The following NHS variants were observed in gnomAD, a reference collection of about 807,000 sequenced individuals.
NHS encodes the protein actin remodeling regulator NHS.
NHS carries 5 observed loss-of-function variants against 72.5 expected under a neutral mutation model. That is an observed-to-expected ratio of 0.07 (90% CI 0.04 to 0.14). The LOEUF is 0.14. Among genes scored for constraint, NHS ranks in the 10% least tolerant of loss-of-function variants. The probability of loss-of-function intolerance (pLI) is 1.00; values close to 1 mark genes in which losing one functional copy is unlikely to be tolerated. For missense variants in NHS, 1,072 were observed against 1,355.7 expected (o/e 0.79, Z 3.29); for synonymous variants, 464 against 547.7 (o/e 0.85, Z 2.13).
At chrX:17,458,317 C>T (rs1479126691) in intron 1 of NHS, among the ~76,000 whole-genome samples, 1 of 111,132 alleles carries the variant, frequency 9.0e-6, no homozygotes, top group Non-Finnish European at 1.9e-5. Context: ...AGCCTCCGCC[C>T]CCTGGGGTTC....
At chrX:17,412,390 TTC>T (rs2064564337) in intron 1 of NHS, among the ~76,000 whole-genome samples, 1 of 108,920 alleles carries the variant, frequency 9.2e-6, no homozygotes, top group Non-Finnish European at 1.9e-5. Flanking sequence ...AACCCAGGAG[TTC>T]AAGACCAGCC....
Position 17,687,681 on chromosome X carries a change from G to C in NHS, c.566-61G>C, listed in dbSNP as rs763102874. 424 of 1,179,911 alleles carry C rather than the reference G, an allele frequency of 3.6e-4. 2 individuals are homozygous for C. In the Middle Eastern group the frequency reaches 3.7e-3, roughly 10 times the overall value. ...ACTCCTGTCCTCTTCCCCACCCCAG[G>C]GTTGGCCAAAAGCACAACTTAAAGC... On this transcript the variant is annotated intron_variant, in intron 1 of 8. Coordinates refer to ENST00000676302, the MANE Select transcript of NHS (RefSeq NM_001291867.2).
intron 1 of NHS, among the ~76,000 whole-genome samples, chrX:17,673,576 G>C (rs753715100): frequency 1.3e-4 from 15 of 111,268 alleles, no homozygotes; most frequent in Non-Finnish European, 2.5e-4. Context: ...TAGCTATATT[G>C]AGGGCCTAAC....
intron 1 of NHS, among the ~76,000 whole-genome samples, chrX:17,510,948 C>T (rs998948269): frequency 2.7e-5 from 3 of 112,206 alleles, no homozygotes; most frequent in Non-Finnish European, 5.6e-5. Flanking sequence ...GGAATTGAGG[C>T]TGATGCACAA....
chrX:17,689,615 A>G (rs754730924), intron 2 of NHS, among the ~76,000 whole-genome samples: 35 of 111,971 alleles, frequency 3.1e-4, no homozygotes, highest in Middle Eastern at 4.6e-3. Flanking sequence ...GGCAAGGATG[A>G]TATCTTATTA....
rs144409283 is a variant in NHS, at chrX:17,388,782, T to C, written c.565+12460T>C. Among the ~76,000 whole-genome samples, 545 of 109,916 alleles carry C rather than the reference T, an allele frequency of 5.0e-3. 1 individual carries two copies. The highest frequency in any genetic ancestry group is 8.1e-3 in the Non-Finnish European group (430 of 52,767). On this transcript the variant is annotated intron_variant, in intron 1 of 8. Transcript: ENST00000676302. Reference sequence around the variant, plus strand: ...AGTTTAAAAGGATCACTTTGGGTATTGTGGCAAGAAGAGACTGCGGGAGAG... The same window carrying C: ...AGTTTAAAAGGATCACTTTGGGTATCGTGGCAAGAAGAGACTGCGGGAGAG...
chrX:17,696,260 A>T (rs1170094988), intron 3 of NHS, among the ~76,000 whole-genome samples: 1 of 112,171 alleles, frequency 8.9e-6, no homozygotes, highest in African/African-American at 3.2e-5. Flanking sequence ...ACTTCTGTCC[A>T]CATGAACTCT....
Position 17,728,192 on chromosome X carries a change from G to A in NHS, c.4086G>A (p.Glu1362=). 1 of 1,211,423 alleles carries A rather than the reference G, an allele frequency of 8.3e-7. No homozygotes were observed. Among genetic ancestry groups the A allele is most frequent in the South Asian group, 1.8e-5 (1 of 56,930 alleles). ...CTGGTACTATCAGCTATGAATCGGA[G>A]ATAACATCTGTAAATTCATTCCCTG... is the stretch of plus-strand genomic sequence containing the variant. The part of the protein sequence containing the change: ...KVPGTISYES[E]ITSVNSFPEK... Residue 1362 remains glutamate (E), a synonymous_variant, in exon 7 of 9, where the codon GAG becomes GAA. Transcript: ENST00000676302.
intron 1 of NHS, among the ~76,000 whole-genome samples, chrX:17,427,134 T>C (rs1469471480): frequency 9.0e-6 from 1 of 111,730 alleles, no homozygotes; most frequent in Non-Finnish European, 1.9e-5. Context: ...TTCAGAGGAT[T>C]TGGGGATACA....
chrX:17,556,988 C>A (rs201080255), intron 1 of NHS, among the ~76,000 whole-genome samples: 8 of 98,373 alleles, frequency 8.1e-5, no homozygotes, highest in South Asian at 4.3e-4. Flanking sequence ...ATATATATAT[C>A]TATATATATA....
rs765418788 is a variant in NHS at position 17,665,455 on chromosome X, G to A, written c.566-22287G>A. Among the ~76,000 whole-genome samples, 5 of 104,543 alleles carry A rather than the reference G, an allele frequency of 4.8e-5. No individual in the cohort carries two copies. The East Asian group carries it at 1.5e-3, about 31-fold the overall frequency. 90.8% of individuals were successfully genotyped at this position (104,543 alleles called of 115,157 possible). On this transcript the variant is annotated intron_variant, in intron 1 of 8. Coordinates refer to ENST00000676302, the MANE Select transcript of NHS (RefSeq NM_001291867.2). Reference sequence around the variant, plus strand: ...CCATTCTCCTGCCTCAGCCTCCCGAGTAGCTGGGACTACAGGCGCCCGCCA... The same window carrying A: ...CCATTCTCCTGCCTCAGCCTCCCGAATAGCTGGGACTACAGGCGCCCGCCA...
rs559099594 is a variant in NHS at position 17,526,383 on chromosome X, G to A, written c.565+150061G>A. On this transcript the variant is annotated intron_variant, in intron 1 of 8. Coordinates refer to ENST00000676302, the MANE Select transcript of NHS (RefSeq NM_001291867.2). ...TTCCCCCTGGCAGTGTCCTCTTATC[G>A]TCTAGCAGGCCAGCCTGGGCTTGTT... 2.7e-4 allele frequency among the ~76,000 whole-genome samples: 30 copies of A among 112,292 alleles called. 1 individual carries two copies. In the South Asian group the frequency reaches 0.011, roughly 40 times the overall value.
chrX:17,580,627 G>A (rs936191690), intron 1 of NHS, among the ~76,000 whole-genome samples: 12 of 111,941 alleles, frequency 1.1e-4, no homozygotes, highest in African/African-American at 3.2e-4. Flanking sequence ...TGTCTCCTGC[G>A]GAGGACAGAG....
rs140281931 is a variant in NHS at position 17,635,943 on chromosome X, C to T, written c.566-51799C>T. On this transcript the variant is annotated intron_variant, in intron 1 of 8. Coordinates refer to ENST00000676302, the MANE Select transcript of NHS (RefSeq NM_001291867.2). ...CCTTTCTTCCTTCTCCTCTTCTGCT[C>T]CGACATTTGAACGTCTTAAAGAAGG... 3.4e-4 allele frequency among the ~76,000 whole-genome samples: 38 copies of T among 112,385 alleles called. No individual in the cohort carries two copies. In the East Asian group the frequency reaches 9.6e-3, roughly 28 times the overall value.
At chrX:17,659,289 G>A (rs1216028786) in intron 1 of NHS, among the ~76,000 whole-genome samples, 1 of 111,987 alleles carries the variant, frequency 8.9e-6, no homozygotes, top group Non-Finnish European at 1.9e-5. Flanking sequence ...TCTACTTTGA[G>A]ATTGGACTTT....
intron 3 of NHS, among the ~76,000 whole-genome samples, chrX:17,713,797 A>C (rs1371247725): frequency 1.8e-5 from 2 of 112,217 alleles, no homozygotes; most frequent in African/African-American, 6.5e-5. Context: ...TACCTCAAGA[A>C]AGACTGGAGT....
chrX:17,703,118 A>C (rs746624444), intron 3 of NHS, among the ~76,000 whole-genome samples: 1 of 110,752 alleles, frequency 9.0e-6, no homozygotes, highest in Non-Finnish European at 1.9e-5. Flanking sequence ...AAAAATAAAA[A>C]AAGAAAGAAA....
intron 1 of NHS, among the ~76,000 whole-genome samples, chrX:17,574,602 C>T (rs1364753500): frequency 8.9e-6 from 1 of 112,248 alleles, no homozygotes; most frequent in Non-Finnish European, 1.9e-5. Context: ...GGTACAGTCA[C>T]TCATGGCTTC....
At chrX:17,496,476 C>T (rs1236675436) in intron 1 of NHS, among the ~76,000 whole-genome samples, 1 of 111,013 alleles carries the variant, frequency 9.0e-6, no homozygotes, top group African/African-American at 3.3e-5. Flanking sequence ...TTTAGATTTG[C>T]CCAGTTATGC....
Sources: allele counts gnomAD v4.1 joint callset (sites outside exome capture counted in the v4.1 genomes callset), GRCh38; gene constraint gnomAD v4.1.1; transcripts MANE v1.5; gene names NCBI Gene and HGNC (gene_info 2026-07-23, HGNC 2026-07-21).